Variants in ANGPT4 observed in about 807,000 individuals in gnomAD.
The protein encoded by ANGPT4 is angiopoietin-4.
In ANGPT4, 50 loss-of-function variants were observed where a neutral mutation model predicts 53.0. The observed-to-expected ratio is 0.94, with a 90% CI of 0.75 to 1.20. The LOEUF (loss-of-function observed/expected upper bound fraction) is 1.20, where lower values mean the gene tolerates loss of function less well. ANGPT4 is among the 50% of genes most tolerant of loss of function. The pLI is 0.00. For synonymous variants in ANGPT4, 251 were observed against 259.7 expected (o/e 0.97, Z 0.32); for missense variants, 648 against 637.1 (o/e 1.02, Z -0.18).
rs1250586406 is a variant in ANGPT4 at position 871,609 on chromosome 20, C to G, written c.*1351G>C. On this transcript the variant is annotated 3_prime_UTR_variant, in exon 9 of 9. Coordinates refer to ENST00000381922, the MANE Select transcript of ANGPT4 (RefSeq NM_015985.4). ...TCCCCACCTACCACCACAGAGGCAG[C>G]ATCACTGCTGGATGGGGAAGGGAGG... 1 of 152,428 alleles carries G rather than the reference C, an allele frequency of 6.6e-6. No homozygotes were observed. Among genetic ancestry groups the G allele is most frequent in the Admixed American group, 6.5e-5 (1 of 15,286 alleles). 9.4% of individuals were successfully genotyped at this position (152,428 alleles called of 1,614,324 possible). A position where few individuals can be genotyped will look rare whatever the true frequency, so the allele number is the denominator to read the frequency against.
chr20:881,032 G>C, intron 5 of ANGPT4, 139 bp downstream of exon 5: 1 of 626,220 alleles, frequency 1.6e-6, no homozygotes, highest in Non-Finnish European at 2.6e-6. Flanking sequence ...CTGACTGCTG[G>C]GAAGTCAAAG....
intron 7 of ANGPT4, among the ~76,000 whole-genome samples, chr20:877,891 G>T (rs1981228498): frequency 6.6e-6 from 1 of 152,188 alleles, no homozygotes; most frequent in Non-Finnish European, 1.5e-5. Flanking sequence ...CTGACTTGGG[G>T]TGACTGACCT....
intron 1 of ANGPT4, among the ~76,000 whole-genome samples, chr20:891,809 G>A (rs552144148): frequency 9.2e-5 from 14 of 152,198 alleles, no homozygotes; most frequent in African/African-American, 2.9e-4. Context: ...ATCCTGGAGC[G>A]GGTGCTTGTG....
At chr20:875,434 G>A (rs538228650) in intron 7 of ANGPT4, among the ~76,000 whole-genome samples, 1 of 152,298 alleles carries the variant, frequency 6.6e-6, no homozygotes, top group South Asian at 2.1e-4. Flanking sequence ...TCTTTGCCAG[G>A]CTCTGTGGCC....
chr20:879,649 TG>T, intron 6 of ANGPT4, 97 bp downstream of exon 6: 3 of 914,366 alleles, frequency 3.3e-6, no homozygotes, highest in Non-Finnish European at 4.8e-6. Context: ...TGATTTTTTC[TG>T]GGGGAGGAAT....
chr20:888,275 G>A (rs1981691601), intron 3 of ANGPT4, 43 bp downstream of exon 3: 1 of 1,589,744 alleles, frequency 6.3e-7, no homozygotes, highest in East Asian at 2.3e-5. Flanking sequence ...CTTGACTCCA[G>A]CCCCAGCCCC....
intron 1 of ANGPT4, among the ~76,000 whole-genome samples, chr20:902,461 G>A (rs1054686335): frequency 6.6e-6 from 1 of 152,102 alleles, no homozygotes; most frequent in Non-Finnish European, 1.5e-5. Context: ...TTTGTCACTA[G>A]TAGAAACCGC....
Position 911,845 on chromosome 20 carries a change from A to G in ANGPT4, c.309+4061T>C, listed in dbSNP as rs1469086134. 3.5e-4 allele frequency among the ~76,000 whole-genome samples: 26 copies of G among 74,172 alleles called. 1 individual carries two copies. The highest frequency in any genetic ancestry group is 7.9e-4 in the Non-Finnish European group (22 of 27,802). 48.7% of individuals were successfully genotyped at this position (74,172 alleles called of 152,430 possible). A position where few individuals can be genotyped will look rare whatever the true frequency, so the allele number is the denominator to read the frequency against. On this transcript the variant is annotated intron_variant, in intron 1 of 8. Transcript: ENST00000381922. The surrounding 1 kb of genome is among the most constrained non-coding windows in gnomAD (Gnocchi z 4.9). ...GAGAGACAGAGAGAGGGAGAGAGGG[A>G]CAGAGAGAGGGAGAGAGAGACAGAG...
chr20:906,680 G>C (rs1982489470), intron 1 of ANGPT4, among the ~76,000 whole-genome samples: 1 of 152,206 alleles, frequency 6.6e-6, no homozygotes, highest in South Asian at 2.1e-4. Flanking sequence ...CCTCTGCCTT[G>C]CTTCTGTCCC....
Position 890,357 on chromosome 20 carries a change from G to A in ANGPT4, c.321C>T (p.Ala107=). Residue 107 remains alanine, a synonymous_variant, in exon 2 of 9, where the codon GCC becomes GCT. Transcript: ENST00000381922. ...NTQWLKKLER[A]IKTILRSKLE... is the part of the protein sequence containing the mutation. ...GCTTCGACCTCAAGATCGTCTTGATGGCCCTCTCTAGCTGTGGGAGACCAT... is the reference window on the plus strand; with the variant it reads ...GCTTCGACCTCAAGATCGTCTTGATAGCCCTCTCTAGCTGTGGGAGACCAT... The A allele has an allele frequency of 6.2e-7, 1 of 1,611,378 alleles. No homozygotes were observed.
intron 4 of ANGPT4, 152 bp downstream of exon 4, chr20:884,926 C>G: frequency 8.8e-7 from 1 of 1,137,084 alleles, no homozygotes; most frequent in Non-Finnish European, 1.2e-6. Context: ...GCCATTATTA[C>G]TGTTTATTGT....
At position 872,709 on chromosome 20, in the gene ANGPT4, A is replaced by C. The variant is rs1980987462; in HGVS notation, c.*251T>G. On this transcript the variant is annotated 3_prime_UTR_variant, in exon 9 of 9. Coordinates refer to ENST00000381922, the MANE Select transcript of ANGPT4 (RefSeq NM_015985.4). ...GTGACCCTCAGGCAGGGAGCCCCTG[A>C]AGGGGGAGGGAGAGAAGAGGGGCGA... is the stretch of plus-strand genomic sequence containing the variant. 6.0e-6 allele frequency: 3 copies of C among 500,186 alleles called. No homozygotes were observed. Among genetic ancestry groups the C allele is most frequent in the Non-Finnish European group, 7.2e-6 (2 of 277,362 alleles). 31.0% of individuals were successfully genotyped at this position (500,186 alleles called of 1,614,324 possible).
rs769034261 is a variant in ANGPT4, at chr20:890,382, T to C, written c.310-14A>G. On this transcript the variant is annotated splice_polypyrimidine_tract_variant and intron_variant, in intron 1 of 8. Transcript: ENST00000381922. ...GGCCCTCTCTAGCTGTGGGAGACCA[T>C]GGGCTGGGGTCACGGGGGAGGGGCG... 9 of 1,441,908 alleles carry C rather than the reference T, an allele frequency of 6.2e-6. No homozygotes were observed. The South Asian group carries it at 6.8e-5, about 11-fold the overall frequency. The allele number at this position is 1,441,908 out of a possible 1,614,324, so 89.3% of individuals were successfully genotyped here.
rs1980911961 is a variant in ANGPT4 at position 870,812 on chromosome 20, C to A, written c.*2148G>T. 1 of 152,238 alleles carries A rather than the reference C, an allele frequency of 6.6e-6. No individual in the cohort carries two copies. Among genetic ancestry groups the A allele is most frequent in the Non-Finnish European group, 1.5e-5 (1 of 68,044 alleles). 9.4% of individuals were successfully genotyped at this position (152,238 alleles called of 1,614,324 possible). ...GTGCTGGGGAATGCCTTCCTCACCCCATTCTCCTCTTTGAGGACAAACATT... is the reference window on the plus strand; with the variant it reads ...GTGCTGGGGAATGCCTTCCTCACCCAATTCTCCTCTTTGAGGACAAACATT... On this transcript the variant is annotated 3_prime_UTR_variant, in exon 9 of 9. Coordinates refer to ENST00000381922, the MANE Select transcript of ANGPT4 (RefSeq NM_015985.4).
chr20:892,600 A>AG, intron 1 of ANGPT4, among the ~76,000 whole-genome samples: 1 of 151,568 alleles, frequency 6.6e-6, no homozygotes, highest in East Asian at 1.9e-4. Flanking sequence ...GTCTCAAAAA[A>AG]AAAAAAAAAG....
At chr20:890,425 C>G (rs981949928) in intron 1 of ANGPT4, 57 bp from the exon 2 acceptor site, 1 of 1,518,896 alleles carries the variant, frequency 6.6e-7, no homozygotes, top group East Asian at 2.3e-5. Context: ...CCCCCTGTCC[C>G]TCCCACGTGT....
rs556521299 is a variant in ANGPT4, at chr20:899,309, G to A, written c.310-8941C>T. 4.0e-5 allele frequency among the ~76,000 whole-genome samples: 6 copies of A among 151,512 alleles called. No homozygotes were observed. In the East Asian group the frequency reaches 7.8e-4, roughly 20 times the overall value. ...ATTGCCCAGGCTGGAGTGCAGTGGC[G>A]CGATCTCGGCTCACTGCAAGCTCCA... On this transcript the variant is annotated intron_variant, in intron 1 of 8. Transcript: ENST00000381922.
At position 883,535 on chromosome 20, in the gene ANGPT4, T is replaced by A. The variant is rs145856174; in HGVS notation, c.835+1543A>T. ...TGTGCCCCATCTCCATCCAGCCCTC[T>A]CTTCTACACCTGGTGACTGAGCCTC... On this transcript the variant is annotated intron_variant, in intron 4 of 8. Transcript: ENST00000381922. 3.7e-3 allele frequency among the ~76,000 whole-genome samples: 568 copies of A among 152,264 alleles called. 9 individuals are homozygous for A. Among genetic ancestry groups the A allele is most frequent in the Non-Finnish European group, 5.8e-3 (395 of 67,994 alleles).
At chr20:897,618 C>T (rs936156439) in intron 1 of ANGPT4, among the ~76,000 whole-genome samples, 1 of 152,308 alleles carries the variant, frequency 6.6e-6, no homozygotes, top group Non-Finnish European at 1.5e-5. Context: ...CGGGGGGACA[C>T]CTGCCTTGGT....
Sources: allele counts gnomAD v4.1 joint callset (sites outside exome capture counted in the v4.1 genomes callset), GRCh38; gene constraint gnomAD v4.1.1; non-coding constraint Gnocchi (gnomAD v3.1); transcripts MANE v1.5; gene names NCBI Gene and HGNC (gene_info 2026-07-23, HGNC 2026-07-21).